PCDHA7: variants seen among roughly 807,000 people sequenced by gnomAD.
The protein encoded by PCDHA7 is protocadherin alpha-7.
In PCDHA7, 37 loss-of-function variants were observed where a neutral mutation model predicts 57.2. The ratio of observed to expected loss-of-function variants is 0.65; its 90% CI spans 0.50 to 0.85. The LOEUF (loss-of-function observed/expected upper bound fraction) is 0.85. Ranked by LOEUF, PCDHA7 falls within the 40% of genes least tolerant of loss-of-function variation. The pLI is 0.00. For synonymous variants in PCDHA7, 553 were observed against 558.8 expected, an observed-to-expected ratio of 0.99 and a Z score of 0.15; for missense variants, 1,188 against 1,241.8, an observed-to-expected ratio of 0.96 and a Z score of 0.65.
chr5:140,856,314 T>C (rs2043919733), intron 1 of PCDHA7: 1 of 1,598,440 alleles, frequency 6.3e-7, no homozygotes, highest in African/African-American at 1.3e-5. Context: ...AATTCTCGGA[T>C]TGACCGCGAG....
At chr5:141,000,223 G>A (rs1190945878) in intron 3 of PCDHA7, among the ~76,000 whole-genome samples, 2 of 151,642 alleles carry the variant, frequency 1.3e-5, no homozygotes, top group African/African-American at 4.8e-5. Flanking sequence ...AAATGCCTGT[G>A]TGGAGCTGAA....
chr5:140,884,684 T>C (rs2060315542), intron 1 of PCDHA7: 1 of 1,543,214 alleles, frequency 6.5e-7, no homozygotes. Flanking sequence ...TTTTAAAAAA[T>C]TGTCTTAGTA....
At chr5:140,869,323 C>T in intron 1 of PCDHA7, 1 of 1,613,864 alleles carries the variant, frequency 6.2e-7, no homozygotes, top group South Asian at 1.1e-5. Flanking sequence ...ACATGGGGAC[C>T]TTCTGGAGGT....
At chr5:140,960,476 A>G (rs900807612) in intron 1 of PCDHA7, among the ~76,000 whole-genome samples, 3 of 152,178 alleles carry the variant, frequency 2.0e-5, no homozygotes, top group South Asian at 2.1e-4. Context: ...TCCTTCTTAC[A>G]CAGAGGTGTA....
At chr5:140,891,504 A>G (rs1225432214) in intron 1 of PCDHA7, among the ~76,000 whole-genome samples, 1 of 151,662 alleles carries the variant, frequency 6.6e-6, no homozygotes, top group Non-Finnish European at 1.5e-5. Context: ...CTCAGCTATA[A>G]TGTTCTCCAA....
chr5:140,875,928 T>C (rs782425352), intron 1 of PCDHA7: 1 of 1,614,188 alleles, frequency 6.2e-7, no homozygotes, highest in South Asian at 1.1e-5. Flanking sequence ...ACTCTCATTT[T>C]CCTCTAGAGG....
chr5:140,979,147 C>A (rs2096836802), intron 2 of PCDHA7, 140 bp downstream of exon 2: 2 of 1,442,248 alleles, frequency 1.4e-6, no homozygotes, highest in African/African-American at 2.9e-5. Flanking sequence ...ATTATTTTGT[C>A]CCCATGTTTA....
At chr5:140,909,951 G>A (rs560555991) in intron 1 of PCDHA7, among the ~76,000 whole-genome samples, 401 of 152,302 alleles carry the variant, frequency 2.6e-3, no homozygotes, top group African/African-American at 8.3e-3. Context: ...GTAAAAAGCC[G>A]TAGGTCTCCA....
chr5:140,939,798 C>A (rs2092461303), intron 1 of PCDHA7, among the ~76,000 whole-genome samples: 1 of 152,138 alleles, frequency 6.6e-6, no homozygotes, highest in African/African-American at 2.4e-5. Flanking sequence ...TATAAATGTT[C>A]TGCATGTTCA....
In PCDHA7 at chr5:140,895,583, A is replaced by C. The variant is rs545210218; in HGVS notation, c.2355+58845A>C. On this transcript the variant is annotated intron_variant, in intron 1 of 3. Coordinates refer to ENST00000525929, the MANE Select transcript of PCDHA7 (RefSeq NM_018910.3). ...ATATTCTAGATGCAATTACTTTATT[A>C]GATATATAATTTGCAAAGATTTTCT... Among the ~76,000 whole-genome samples, 15 of 152,292 alleles carry C rather than the reference A, an allele frequency of 9.8e-5. No individual in the cohort carries two copies. In the South Asian group the frequency reaches 3.1e-3, roughly 32 times the overall value.
chr5:140,890,439 A>G (rs114755692), intron 1 of PCDHA7, among the ~76,000 whole-genome samples: 1 of 152,210 alleles, frequency 6.6e-6, no homozygotes, highest in Non-Finnish European at 1.5e-5. Context: ...TACAATACCT[A>G]GTGATATCTT....
intron 1 of PCDHA7, chr5:140,882,906 C>G: frequency 6.2e-7 from 1 of 1,614,200 alleles, no homozygotes; most frequent in Non-Finnish European, 8.5e-7. Context: ...TTATTACTGA[C>G]AGCCAGTGAT....
At chr5:140,928,139 C>T in intron 1 of PCDHA7, 2 of 1,614,174 alleles carry the variant, frequency 1.2e-6, no homozygotes, top group Non-Finnish European at 8.5e-7. Flanking sequence ...GTCCTGATCA[C>T]GGCCTCAGAT....
At chr5:140,881,244 C>T (rs1219638908) in intron 1 of PCDHA7, 9 of 397,012 alleles carry the variant, frequency 2.3e-5, no homozygotes, top group Non-Finnish European at 3.1e-5. Context: ...ATTTAAATGA[C>T]GGCAAGGTTT....
At chr5:140,869,729 A>G (rs1554163384) in intron 1 of PCDHA7, 3 of 1,613,398 alleles carry the variant, frequency 1.9e-6, no homozygotes, top group Admixed American at 3.3e-5. Flanking sequence ...CCGGAACTTA[A>G]TTTGCTGCTA....
chr5:141,009,863 A>G lies in PCDHA7; in HGVS notation c.2740A>G (p.Lys914Glu). 1 of 1,614,104 alleles carries G rather than the reference A, an allele frequency of 6.2e-7. No homozygotes were observed. Among genetic ancestry groups the G allele is most frequent in the Non-Finnish European group, 8.5e-7 (1 of 1,180,006 alleles). Residue 914 changes from lysine to glutamate, a missense_variant, in exon 4 of 4, where the codon AAA becomes GAA. Coordinates refer to ENST00000525929, the MANE Select transcript of PCDHA7 (RefSeq NM_018910.3). ...GKKEETKKKK[K>E]KKKGNKTQEK... ...AAAGGAGGAGACCAAGAAAAAGAAG[A>G]AAAAGAAGAAGGGTAACAAGACCCA...
In PCDHA7 at chr5:140,853,715, G is replaced by T; in HGVS notation, c.2355+16977G>T. ...ACCTGCTAACGCATTAGCATTAGCA[G>T]CACCTAAGTCCTCATTGAATGTTCT... is the stretch of plus-strand genomic sequence containing the variant. On this transcript the variant is annotated intron_variant, in intron 1 of 3. Coordinates refer to ENST00000525929, the MANE Select transcript of PCDHA7 (RefSeq NM_018910.3). 6 of 988,172 alleles carry T rather than the reference G, an allele frequency of 6.1e-6. 1 individual carries two copies. The highest frequency in any genetic ancestry group is 7.3e-6 in the Non-Finnish European group (6 of 820,144). 61.2% of individuals were successfully genotyped at this position (988,172 alleles called of 1,614,324 possible). A position where few individuals can be genotyped will look rare whatever the true frequency, so the allele number is the denominator to read the frequency against.
intron 1 of PCDHA7, among the ~76,000 whole-genome samples, chr5:140,908,256 A>T (rs192899359): frequency 6.6e-6 from 1 of 152,130 alleles, no homozygotes; most frequent in Non-Finnish European, 1.5e-5. Context: ...AACTGATCAT[A>T]GGGAACTCCC....
chr5:140,850,863 T>C lies in PCDHA7; in HGVS notation c.2355+14125T>C, dbSNP rs2150500955. 38 of 1,592,804 alleles carry C rather than the reference T, an allele frequency of 2.4e-5. 2 individuals are homozygous for C. Among genetic ancestry groups the C allele is most frequent in the Non-Finnish European group, 3.2e-5 (37 of 1,163,928 alleles). On this transcript the variant is annotated intron_variant, in intron 1 of 3. Transcript: ENST00000525929. ...ATCTACAGAGCGAACGGGAGAACCC[T>C]CTGCTTCCTCAGATTCAACTGGGAA...
Sources: gnomAD v4.1 joint callset for allele counts (sites outside exome capture counted in the v4.1 genomes callset) on GRCh38, gnomAD v4.1.1 for gene constraint, MANE v1.5 for transcripts, NCBI Gene and HGNC (gene_info 2026-07-23, HGNC 2026-07-21) for gene names.